GATA4: variants seen among roughly 807,000 people sequenced by gnomAD.
GATA4 encodes the protein transcription factor GATA-4.
A neutral mutation model predicts 37.9 loss-of-function variants in GATA4; 7 were observed. The ratio of observed to expected loss-of-function variants is 0.18; its 90% CI spans 0.11 to 0.35. GATA4 has a LOEUF of 0.35. Ranked by LOEUF, GATA4 falls within the 10% of genes least tolerant of loss-of-function variation. GATA4 has a pLI of 1.00. For synonymous variants in GATA4, 372 were observed against 292.6 expected (o/e 1.27, Z -2.77); for missense variants, 647 against 653.0 (o/e 0.99, Z 0.10).
chr8:11,753,697 A>G (rs810738), intron 4 of GATA4, among the ~76,000 whole-genome samples: 120,122 of 151,902 alleles, frequency 0.79, 48,191 homozygotes, highest in East Asian at 0.98. Flanking sequence ...TGCAAGTGCC[A>G]CCCCATCTAC....
intron 4 of GATA4, 114 bp from the exon 5 acceptor site, chr8:11,754,932 C>A: frequency 1.2e-6 from 1 of 800,506 alleles, no homozygotes; most frequent in South Asian, 1.5e-5. Context: ...GGGCCCCAGG[C>A]TTTGTGGAGA....
chr8:11,752,859 A>C (rs1029684875), intron 4 of GATA4, among the ~76,000 whole-genome samples: 1 of 152,244 alleles, frequency 6.6e-6, no homozygotes, highest in Non-Finnish European at 1.5e-5. Flanking sequence ...CATGTATACA[A>C]GGATGTTTGT....
chr8:11,681,398 G>A (rs1456814767), intron 1 of GATA4: 1 of 985,086 alleles, frequency 1.0e-6, no homozygotes, highest in African/African-American at 1.8e-5. Flanking sequence ...GACCCTTCCG[G>A]GATCACGCGT....
At chr8:11,717,116 C>G (rs185129587) in intron 2 of GATA4, among the ~76,000 whole-genome samples, 87 of 152,222 alleles carry the variant, frequency 5.7e-4, no homozygotes, top group African/African-American at 2.1e-3. Context: ...ATGACATGGC[C>G]CCATATGCCA....
intron 2 of GATA4, among the ~76,000 whole-genome samples, chr8:11,724,591 G>C (rs919202818): frequency 1.3e-5 from 2 of 152,206 alleles, no homozygotes; most frequent in African/African-American, 4.8e-5. Flanking sequence ...GCCTTGTCTT[G>C]CCTTTTGACA....
At chr8:11,697,469 C>A in intron 1 of GATA4, 2 of 757,554 alleles carry the variant, frequency 2.6e-6, no homozygotes, top group Non-Finnish European at 3.2e-6. Flanking sequence ...GCTGGGGAAG[C>A]GGTGTTCGGA....
chr8:11,757,508 G>C (rs998884338), intron 6 of GATA4, among the ~76,000 whole-genome samples: 1 of 152,246 alleles, frequency 6.6e-6, no homozygotes, highest in Non-Finnish European at 1.5e-5. Context: ...GAGGCCGAGC[G>C]GAGGTTCTCT....
intron 2 of GATA4, among the ~76,000 whole-genome samples, chr8:11,721,218 C>T (rs1461157115): frequency 6.6e-6 from 1 of 151,172 alleles, no homozygotes; most frequent in Non-Finnish European, 1.5e-5. Flanking sequence ...GGCCAGGCTT[C>T]CTGGGCAAGG....
Position 11,707,573 on chromosome 8 carries a change from A to G in GATA4, c.-457-283A>G, listed in dbSNP as rs1429923328. ...AAAGTCCTTCCTGACAAGCAATACAAAAATCATTGACCAAGATCACAACCA... is the reference window on the plus strand; with the variant it reads ...AAAGTCCTTCCTGACAAGCAATACAGAAATCATTGACCAAGATCACAACCA... On this transcript the variant is annotated intron_variant, in intron 1 of 6. Transcript: ENST00000532059. This position sits in a 1 kb window ranked among gnomAD's most constrained non-coding sequence, Gnocchi z 4.7. Among the ~76,000 whole-genome samples, 1 of 152,170 alleles carries G rather than the reference A, an allele frequency of 6.6e-6. No homozygotes were observed. Among genetic ancestry groups the G allele is most frequent in the Admixed American group, 6.5e-5 (1 of 15,280 alleles).
chr8:11,702,140 G>T (rs1342024624), upstream of GATA4, among the ~76,000 whole-genome samples: 1 of 152,208 alleles, frequency 6.6e-6, no homozygotes, highest in African/African-American at 2.4e-5. This position sits in a 1 kb window ranked among gnomAD's most constrained non-coding sequence, Gnocchi z 4.4. Context: ...AGCCCATCCC[G>T]CACTACTAGG....
intron 2 of GATA4, among the ~76,000 whole-genome samples, chr8:11,721,503 G>A (rs1428387284): frequency 6.6e-6 from 1 of 151,910 alleles, no homozygotes; most frequent in South Asian, 2.1e-4. Flanking sequence ...AGGGTGATGA[G>A]CGCCTCCCGC....
chr8:11,706,129 G>C (rs561385155), intron 1 of GATA4: 1 of 152,160 alleles, frequency 6.6e-6, no homozygotes, highest in African/African-American at 2.4e-5. Context: ...AAACTTGCTG[G>C]AATGAACTAT....
At chr8:11,738,928 A>C (rs11250163) in intron 2 of GATA4, among the ~76,000 whole-genome samples, 48,560 of 152,148 alleles carry the variant, frequency 0.32, 9,914 homozygotes, top group Non-Finnish European at 0.47. Flanking sequence ...AAAGCTCTTC[A>C]TGTACATTCT....
rs1189968006 is a variant in GATA4, at chr8:11,759,920, C to G, written c.*1445C>G. On this transcript the variant is annotated 3_prime_UTR_variant, in exon 7 of 7. Coordinates refer to ENST00000532059, the MANE Select transcript of GATA4 (RefSeq NM_001308093.3). ...GGCCCCCTCGTATACCCTCCCTAAC[C>G]CACAAACCTGTTAACATTGTCTTAA... 6.6e-6 allele frequency: 1 copy of G among 152,666 alleles called. No individual in the cohort carries two copies. Among genetic ancestry groups the G allele is most frequent in the Non-Finnish European group, 1.5e-5 (1 of 68,048 alleles). The allele number at this position is 152,666 out of a possible 1,614,324, so 9.5% of individuals were successfully genotyped here. A position where few individuals can be genotyped will look rare whatever the true frequency, so the allele number is the denominator to read the frequency against.
At chr8:11,715,885 G>C (rs929733014) in intron 2 of GATA4, among the ~76,000 whole-genome samples, 7 of 152,146 alleles carry the variant, frequency 4.6e-5, no homozygotes, top group African/African-American at 1.7e-4. Context: ...CTCCACACCA[G>C]CCCCTGGTAA....
At chr8:11,754,596 G>T (rs1454064127) in intron 4 of GATA4, among the ~76,000 whole-genome samples, 7 of 152,178 alleles carry the variant, frequency 4.6e-5, no homozygotes, top group Non-Finnish European at 8.8e-5. Flanking sequence ...TGCCTGAAAT[G>T]CCTGCCTCTG....
At chr8:11,704,615 C>T (rs1178466229) in intron 1 of GATA4, among the ~76,000 whole-genome samples, 2 of 152,204 alleles carry the variant, frequency 1.3e-5, no homozygotes, top group Non-Finnish European at 2.9e-5. Context: ...GTTTGCATAT[C>T]GCAGGCCGGG....
At chr8:11,681,990 C>A (rs1004136582) in intron 1 of GATA4, among the ~76,000 whole-genome samples, 1 of 152,188 alleles carries the variant, frequency 6.6e-6, no homozygotes, top group African/African-American at 2.4e-5. Context: ...ACAGAAGTTA[C>A]TCGATAAAGA....
intron 2 of GATA4, among the ~76,000 whole-genome samples, chr8:11,712,990 C>T (rs551210818): frequency 6.6e-6 from 1 of 152,284 alleles, no homozygotes; most frequent in South Asian, 2.1e-4. Context: ...TAAAACTATA[C>T]AGACTAATTA....
Sources: gnomAD v4.1 joint callset for allele counts (sites outside exome capture counted in the v4.1 genomes callset) on GRCh38, gnomAD v4.1.1 for gene constraint, Gnocchi (gnomAD v3.1) non-coding constraint, MANE v1.5 for transcripts, NCBI Gene and HGNC (gene_info 2026-07-23, HGNC 2026-07-21) for gene names.